The following HIVEP3 variants were observed in gnomAD, a reference collection of about 807,000 sequenced individuals.
The protein encoded by HIVEP3 is transcription factor HIVEP3.
A neutral mutation model predicts 152.8 loss-of-function variants in HIVEP3; 49 were observed. The observed-to-expected ratio is 0.32, with a 90% CI of 0.26 to 0.41. The LOEUF is 0.41. Among genes scored for constraint, HIVEP3 ranks in the 10% least tolerant of loss-of-function variants. The pLI, the probability that HIVEP3 is intolerant of heterozygous loss-of-function variation, is 1.00. For synonymous variants in HIVEP3, 1,269 were observed against 1,289.0 expected, an observed-to-expected ratio of 0.98 and a Z score of 0.33; for missense variants, 2,790 against 3,103.3, an observed-to-expected ratio of 0.90 and a Z score of 2.40.
At chr1:41,678,071 G>A (rs1475237715) in intron 2 of HIVEP3, among the ~76,000 whole-genome samples, 4 of 152,200 alleles carry the variant, frequency 2.6e-5, no homozygotes, top group African/African-American at 9.7e-5. Flanking sequence ...CTAAAAAAAT[G>A]CTGCTCTGAA....
chr1:41,522,904 C>T lies in HIVEP3; in HGVS notation c.5383+1831G>A, dbSNP rs115154354. 4.8e-3 allele frequency among the ~76,000 whole-genome samples: 734 copies of T among 152,320 alleles called. 7 individuals are homozygous for T. The highest frequency in any genetic ancestry group is 0.017 in the African/African-American group (698 of 41,578). ...GGCTGGCAGTGTGGTCCCCTGGACACAGGCCACTCCAAGTGCAGCTTTTTG... is the reference window on the plus strand; with the variant it reads ...GGCTGGCAGTGTGGTCCCCTGGACATAGGCCACTCCAAGTGCAGCTTTTTG... On this transcript the variant is annotated intron_variant, in intron 6 of 8. Transcript: ENST00000372583.
rs147545420 is a variant in HIVEP3 at position 41,584,672 on chromosome 1, T to A, written c.126A>T (p.Thr42=). The stretch of plus-strand genomic sequence containing the variant: ...GGGCGGGGCTCTCTTGGGTGGCAGC[T>A]GTGCCGCTGCCTGGGTATGGGACGC... ...SSSVPYPGSG[T]AATQESPAQE... The change falls in exon 4 of 9, where the codon ACA becomes ACT. Residue 42 remains threonine, a synonymous_variant. Coordinates refer to ENST00000372583, the MANE Select transcript of HIVEP3 (RefSeq NM_024503.5). This position sits in a 1 kb window ranked among gnomAD's most constrained non-coding sequence, Gnocchi z 5.2. The A allele has an allele frequency of 2.1e-3, 3,360 of 1,587,542 alleles. 6 individuals carry two copies. Among genetic ancestry groups the A allele is most frequent in the Non-Finnish European group, 2.5e-3 (2,878 of 1,167,230 alleles).
chr1:41,656,088 C>T (rs1645625061), intron 2 of HIVEP3, among the ~76,000 whole-genome samples: 1 of 152,192 alleles, frequency 6.6e-6, no homozygotes, highest in Admixed American at 6.5e-5. Flanking sequence ...TCTTTGCCTG[C>T]CTCCTCTCCC....
At chr1:41,841,061 C>T (rs1411144092) in intron 1 of HIVEP3, among the ~76,000 whole-genome samples, 2 of 152,142 alleles carry the variant, frequency 1.3e-5, no homozygotes, top group Non-Finnish European at 2.9e-5. Flanking sequence ...CTATTAGTGG[C>T]AGTATTGGTG....
At chr1:41,646,974 G>A (rs568010973) in intron 2 of HIVEP3, among the ~76,000 whole-genome samples, 1 of 152,200 alleles carries the variant, frequency 6.6e-6, no homozygotes, top group South Asian at 2.1e-4. Flanking sequence ...TTTGGCTCAT[G>A]GCCTCCTCAA....
chr1:41,541,749 G>A (rs1643536799), intron 5 of HIVEP3, among the ~76,000 whole-genome samples: 1 of 152,190 alleles, frequency 6.6e-6, no homozygotes, highest in Non-Finnish European at 1.5e-5. Context: ...ACCTTGGGCA[G>A]GTTACTTAAC....
chr1:41,857,154 C>T (rs1643790549), intron 1 of HIVEP3, among the ~76,000 whole-genome samples: 1 of 152,122 alleles, frequency 6.6e-6, no homozygotes, highest in African/African-American at 2.4e-5. Context: ...TCCAATTCCT[C>T]TCCTCCAAAC....
intron 1 of HIVEP3, among the ~76,000 whole-genome samples, chr1:41,749,256 C>T (rs956772589): frequency 9.2e-5 from 14 of 152,300 alleles, no homozygotes; most frequent in African/African-American, 3.4e-4. Context: ...ATGGGTCACC[C>T]TCTGGCATCC....
chr1:41,682,649 G>A (rs1242353133), intron 2 of HIVEP3, among the ~76,000 whole-genome samples: 2 of 150,896 alleles, frequency 1.3e-5, no homozygotes, highest in Non-Finnish European at 2.9e-5. Context: ...TGGTGCCTAG[G>A]GATGCAGGAC....
chr1:41,648,950 G>C (rs1270422721), intron 2 of HIVEP3, among the ~76,000 whole-genome samples: 1 of 152,250 alleles, frequency 6.6e-6, no homozygotes, highest in African/African-American at 2.4e-5. Flanking sequence ...ATAGTTGATG[G>C]CTTGGTAGCT....
At chr1:41,757,695 GTATTTATTTATT>G (rs56130199) in intron 1 of HIVEP3, among the ~76,000 whole-genome samples, 9 of 145,238 alleles carry the variant, frequency 6.2e-5, no homozygotes, top group African/African-American at 7.5e-5. Flanking sequence ...TTTCTACTTT[GTATTTATTTATT>G]TATTTATTTA....
chr1:41,695,141 C>G (rs1646253445), intron 2 of HIVEP3, among the ~76,000 whole-genome samples: 1 of 152,168 alleles, frequency 6.6e-6, no homozygotes, highest in Non-Finnish European at 1.5e-5. Flanking sequence ...AGGCAGGGGG[C>G]ACATCACACA....
chr1:41,739,268 G>A (rs921122446), intron 1 of HIVEP3, among the ~76,000 whole-genome samples: 9 of 152,208 alleles, frequency 5.9e-5, no homozygotes, highest in Non-Finnish European at 1.2e-4. Context: ...GGCAAACGGG[G>A]AACTCCAGGA....
At chr1:41,800,635 G>C (rs986250123) in intron 1 of HIVEP3, among the ~76,000 whole-genome samples, 1 of 152,236 alleles carries the variant, frequency 6.6e-6, no homozygotes. Context: ...AGTCTGTTAA[G>C]CCAGCAATAG....
intron 2 of HIVEP3, among the ~76,000 whole-genome samples, chr1:41,642,681 T>C (rs1442623515): frequency 6.6e-6 from 1 of 152,196 alleles, no homozygotes; most frequent in African/African-American, 2.4e-5. Context: ...CACAGAGCCT[T>C]GAACATAATT....
intron 1 of HIVEP3, among the ~76,000 whole-genome samples, chr1:41,778,252 C>T (rs1648833967): frequency 6.6e-6 from 1 of 152,160 alleles, no homozygotes; most frequent in African/African-American, 2.4e-5. Flanking sequence ...TACAAGGTAC[C>T]TCCTGAGTGG....
At chr1:41,572,104 G>A (rs11582515) in intron 5 of HIVEP3, among the ~76,000 whole-genome samples, 3 of 152,220 alleles carry the variant, frequency 2.0e-5, no homozygotes, top group African/African-American at 7.2e-5. Flanking sequence ...GATGTGGAAG[G>A]AGATGCTGTT....
chr1:41,985,238 G>A (rs1570868085), intron 1 of HIVEP3, among the ~76,000 whole-genome samples: 1 of 152,318 alleles, frequency 6.6e-6, no homozygotes, highest in East Asian at 1.9e-4. Flanking sequence ...CACAAAATGA[G>A]GCCTAAGAAG....
At chr1:41,792,456 C>T (rs1381930557) in intron 1 of HIVEP3, among the ~76,000 whole-genome samples, 1 of 152,228 alleles carries the variant, frequency 6.6e-6, no homozygotes, top group Non-Finnish European at 1.5e-5. Context: ...GGTGGTGCTG[C>T]CTGTCACCAT....
Sources: gnomAD v4.1 joint callset for allele counts (sites outside exome capture counted in the v4.1 genomes callset) on GRCh38, gnomAD v4.1.1 for gene constraint, Gnocchi (gnomAD v3.1) non-coding constraint, MANE v1.5 for transcripts, NCBI Gene and HGNC (gene_info 2026-07-23, HGNC 2026-07-21) for gene names.